The following CLRN1 variants were observed in gnomAD, a reference collection of about 807,000 sequenced individuals.
CLRN1 encodes clarin-1.
In CLRN1, 15 loss-of-function variants were observed where a neutral mutation model predicts 18.7. That is an observed-to-expected ratio of 0.80 (90% CI 0.54 to 1.23). The LOEUF is 1.23. Ranked by LOEUF, CLRN1 falls within the 50% of genes most tolerant of loss-of-function variation. The pLI is 0.00. For synonymous variants in CLRN1, 104 were observed against 102.9 expected (o/e 1.01, Z -0.07); for missense variants, 311 against 277.5 (o/e 1.12, Z -0.86).
chr3:150,939,665 G>A (rs1334297277), intron 2 of CLRN1, among the ~76,000 whole-genome samples: 6 of 152,096 alleles, frequency 3.9e-5, no homozygotes, highest in Non-Finnish European at 5.9e-5. Flanking sequence ...TGATGCAGAC[G>A]CTGCTCATCT....
At chr3:150,943,746 C>T in intron 1 of CLRN1, 1 of 1,610,496 alleles carries the variant, frequency 6.2e-7, no homozygotes, top group Non-Finnish European at 8.5e-7. Flanking sequence ...CAACACACTG[C>T]TGTCCACAGA....
chr3:150,954,180 C>T (rs1423245417), intron 1 of CLRN1, among the ~76,000 whole-genome samples: 1 of 152,186 alleles, frequency 6.6e-6, no homozygotes, highest in East Asian at 1.9e-4. Context: ...CCTCTACCCC[C>T]AGGTCCTATG....
intron 2 of CLRN1, among the ~76,000 whole-genome samples, chr3:150,929,712 G>A (rs1246588450): frequency 1.3e-5 from 2 of 152,060 alleles, no homozygotes; most frequent in Non-Finnish European, 2.9e-5. Flanking sequence ...CTTGATTTAG[G>A]TCAAACCAAT....
chr3:150,957,238 T>TACACAC (rs34726423), intron 1 of CLRN1, among the ~76,000 whole-genome samples: 68 of 147,066 alleles, frequency 4.6e-4, no homozygotes, highest in African/African-American at 1.0e-3. Context: ...TCCCATTTTA[T>TACACAC]ACACACACAC....
At chr3:150,936,768 C>T (rs1195130139) in intron 2 of CLRN1, among the ~76,000 whole-genome samples, 1 of 152,134 alleles carries the variant, frequency 6.6e-6, no homozygotes, top group Admixed American at 6.6e-5. Flanking sequence ...CAACTGATCT[C>T]TCTAACCTCA....
chr3:150,937,850 CT>C (rs1341482914), intron 2 of CLRN1, among the ~76,000 whole-genome samples: 1 of 152,188 alleles, frequency 6.6e-6, no homozygotes, highest in African/African-American at 2.4e-5. Flanking sequence ...CAATGGGTTG[CT>C]TTCTTTCCTT....
intron 1 of CLRN1, among the ~76,000 whole-genome samples, chr3:150,954,775 T>C (rs918679312): frequency 6.6e-6 from 1 of 152,244 alleles, no homozygotes; most frequent in Non-Finnish European, 1.5e-5. Context: ...TTTCAGGTTA[T>C]TTTTTGTGTA....
chr3:150,942,496 G>A, intron 1 of CLRN1: 1 of 353,412 alleles, frequency 2.8e-6, no homozygotes, highest in Non-Finnish European at 5.7e-6. Flanking sequence ...GTTTAATTCT[G>A]TTCATTTTAG....
At chr3:150,936,348 G>A (rs1713485379) in intron 2 of CLRN1, among the ~76,000 whole-genome samples, 1 of 152,038 alleles carries the variant, frequency 6.6e-6, no homozygotes, top group Non-Finnish European at 1.5e-5. Flanking sequence ...CCAGATTCAT[G>A]TAACTGACTA....
intron 2 of CLRN1, among the ~76,000 whole-genome samples, chr3:150,937,496 G>A (rs1713562350): frequency 6.6e-6 from 1 of 152,222 alleles, no homozygotes; most frequent in African/African-American, 2.4e-5. Context: ...TTAGTGTTGT[G>A]TGAGACCTGA....
chr3:150,964,280 T>C (rs2107985208), intron 1 of CLRN1, among the ~76,000 whole-genome samples: 1 of 152,278 alleles, frequency 6.6e-6, no homozygotes, highest in South Asian at 2.1e-4. Context: ...AGAAGACATT[T>C]ATACGGCCAA....
At chr3:150,956,340 A>G (rs559794201) in intron 1 of CLRN1, among the ~76,000 whole-genome samples, 1 of 152,204 alleles carries the variant, frequency 6.6e-6, no homozygotes, top group African/African-American at 2.4e-5. Flanking sequence ...TATATATATT[A>G]AGCTCTACTT....
Position 150,954,036 on chromosome 3 carries a change from T to C in CLRN1, c.254-12275A>G, listed in dbSNP as rs568247724. 3.0e-4 allele frequency among the ~76,000 whole-genome samples: 45 copies of C among 152,362 alleles called. 1 individual carries two copies. The South Asian group carries it at 6.4e-3, about 22-fold the overall frequency. ...AGCATAAAAATATACCTTTTTAGTGTACAGTTCTGTGAGTTTTGACAAATG... is the reference window on the plus strand; with the variant it reads ...AGCATAAAAATATACCTTTTTAGTGCACAGTTCTGTGAGTTTTGACAAATG... On this transcript the variant is annotated intron_variant, in intron 1 of 2. Coordinates refer to ENST00000327047, the MANE Select transcript of CLRN1 (RefSeq NM_174878.3).
chr3:150,952,976 T>C (rs1714566536), intron 1 of CLRN1, among the ~76,000 whole-genome samples: 1 of 152,206 alleles, frequency 6.6e-6, no homozygotes, highest in South Asian at 2.1e-4. Flanking sequence ...TCCCCAAGTC[T>C]GTAATGACCA....
chr3:150,950,705 A>C (rs187514001), intron 1 of CLRN1, among the ~76,000 whole-genome samples: 2 of 152,354 alleles, frequency 1.3e-5, no homozygotes, highest in East Asian at 3.9e-4. Context: ...TGTTAGTGGG[A>C]GTGTAAATTA....
intron 1 of CLRN1, among the ~76,000 whole-genome samples, chr3:150,962,459 T>C (rs1715082619): frequency 6.6e-6 from 1 of 152,266 alleles, no homozygotes; most frequent in African/African-American, 2.4e-5. Context: ...CGTTTGTTTT[T>C]ATTTTTTTTC....
At chr3:150,938,471 T>C (rs1325364801) in intron 2 of CLRN1, among the ~76,000 whole-genome samples, 1 of 152,124 alleles carries the variant, frequency 6.6e-6, no homozygotes, top group Non-Finnish European at 1.5e-5. Flanking sequence ...GGCTTCTGGG[T>C]ACCATATGAG....
chr3:150,945,770 C>T (rs1272323134), intron 1 of CLRN1: 5 of 682,000 alleles, frequency 7.3e-6, no homozygotes, highest in South Asian at 5.7e-5. Flanking sequence ...TAGCAATATC[C>T]TGTGTTAGCT....
At chr3:150,965,779 G>A (rs1715233667) in intron 1 of CLRN1, among the ~76,000 whole-genome samples, 1 of 151,000 alleles carries the variant, frequency 6.6e-6, no homozygotes, top group Non-Finnish European at 1.5e-5. Flanking sequence ...GATTTAAAGG[G>A]AAGGAAGGTA....
Sources: allele counts gnomAD v4.1 joint callset (sites outside exome capture counted in the v4.1 genomes callset), GRCh38; gene constraint gnomAD v4.1.1; transcripts MANE v1.5; gene names NCBI Gene and HGNC (gene_info 2026-07-23, HGNC 2026-07-21).